Variants in ANKRD62 observed in about 807,000 individuals in gnomAD.
ANKRD62 encodes ankyrin repeat domain 62, also known as ankyrin repeat domain-containing protein 62.
Under a neutral mutation model 98.8 loss-of-function variants are expected in ANKRD62, and 61 were observed. The observed-to-expected ratio is 0.62, with a 90% confidence interval of 0.50 to 0.76. The LOEUF (loss-of-function observed/expected upper bound fraction) is 0.76, where lower values mean the gene tolerates loss of function less well. ANKRD62 is among the 30% of genes least tolerant of loss of function. The probability of loss-of-function intolerance (pLI) is 0.00; values close to 1 mark genes in which losing one functional copy is unlikely to be tolerated. For synonymous variants in ANKRD62, 341 were observed against 367.9 expected (o/e 0.93, Z 0.84); for missense variants, 933 against 1,082.9 (o/e 0.86, Z 1.94).
the ANKRD62 span, among the ~76,000 whole-genome samples, chr18:12,139,744 G>A: frequency 3.9e-5 from 6 of 151,996 alleles, no homozygotes; most frequent in Admixed American, 2.6e-4. Flanking sequence ...TTCCCTTTGT[G>A]GGTAACCCGA....
intron 10 of ANKRD62, among the ~76,000 whole-genome samples, chr18:12,120,688 G>A (rs901184228): frequency 2.0e-5 from 3 of 151,996 alleles, no homozygotes; most frequent in Non-Finnish European, 2.9e-5. Flanking sequence ...TGTTAGTCTC[G>A]CTATTATTTG....
intron 11 of ANKRD62, among the ~76,000 whole-genome samples, chr18:12,123,211 C>T (rs1268009820): frequency 1.3e-5 from 2 of 151,242 alleles, no homozygotes; most frequent in Non-Finnish European, 2.9e-5. Context: ...CCATGCCTTT[C>T]TAATTTCTTT....
intron 10 of ANKRD62, among the ~76,000 whole-genome samples, chr18:12,117,341 T>C (rs1021340361): frequency 5.3e-5 from 8 of 152,194 alleles, no homozygotes; most frequent in Admixed American, 1.3e-4. Context: ...GCTGTGCTCA[T>C]TGACGAAGAC....
At position 12,125,708 on chromosome 18, in the gene ANKRD62, G is replaced by A; in HGVS notation, c.1887G>A (p.Met629Ile). 6.5e-7 allele frequency: 1 copy of A among 1,540,960 alleles called. No homozygotes were observed. The highest frequency in any genetic ancestry group is 8.7e-7 in the Non-Finnish European group (1 of 1,146,888). Residue 629 changes from methionine to isoleucine, a missense_variant, in exon 13 of 14, where the codon ATG (methionine) becomes ATA (isoleucine). Around this residue, in one of 3 missense-constraint regions of ANKRD62, gnomAD observed 362 missense variants for 434.5 expected, o/e 0.83. Transcript: ENST00000587848. ...ATAGTAAAGAGCTTAATGTTCTGAT[G>A]GATGAGAATACAATGCTCAATTCTG... ...TRYSKELNVL[M>I]DENTMLNSEL...
chr18:12,160,041 C>T, the ANKRD62 span, among the ~76,000 whole-genome samples: 1 of 148,794 alleles, frequency 6.7e-6, no homozygotes, highest in South Asian at 2.1e-4. Flanking sequence ...TTCAAATATT[C>T]TGTTTTCTTA....
chr18:12,107,169 G>T (rs1598732528), intron 7 of ANKRD62, 126 bp from the exon 8 acceptor site: 2 of 350,886 alleles, frequency 5.7e-6, no homozygotes, highest in East Asian at 9.5e-5. Context: ...GTAAGCACAA[G>T]GTATTTTATC....
chr18:12,125,496 C>A lies in ANKRD62; in HGVS notation c.1675C>A (p.Gln559Lys), dbSNP rs1197704350. Residue 559 changes from glutamine to lysine, a missense_variant, in exon 13 of 14, where the codon CAG becomes AAG. Transcript: ENST00000587848. ...HTHERERDLW[Q>K]ENHLMRDEIA... is the part of the protein sequence containing the mutation. The stretch of plus-strand genomic sequence containing the variant: ...TCATGAAAGAGAAAGAGACCTGTGG[C>A]AGGAAAATCACTTGATGCGGGATGA... 4 of 1,482,058 alleles carry A rather than the reference C, an allele frequency of 2.7e-6. No individual in the cohort carries two copies. Among genetic ancestry groups the A allele is most frequent in the Non-Finnish European group, 2.7e-6 (3 of 1,127,286 alleles). The allele number at this position is 1,482,058 out of a possible 1,614,324, so 91.8% of individuals were successfully genotyped here. A position where few individuals can be genotyped will look rare whatever the true frequency, so the allele number is the denominator to read the frequency against.
At chr18:12,141,444 T>C in the ANKRD62 span, among the ~76,000 whole-genome samples, 1 of 152,214 alleles carries the variant, frequency 6.6e-6, no homozygotes, top group Non-Finnish European at 1.5e-5. Flanking sequence ...CACTGGGAGC[T>C]GTAGACTTTG....
chr18:12,165,899 A>G, the ANKRD62 span, among the ~76,000 whole-genome samples: 2 of 152,214 alleles, frequency 1.3e-5, no homozygotes, highest in Admixed American at 6.5e-5. Flanking sequence ...TTTGCCAGAT[A>G]TACTATTCTA....
chr18:12,158,969 G>A, the ANKRD62 span, among the ~76,000 whole-genome samples: 3 of 152,020 alleles, frequency 2.0e-5, no homozygotes, highest in African/African-American at 7.3e-5. Context: ...TAAAATATGG[G>A]GCCTAGTTCA....
At chr18:12,171,994 T>A in the ANKRD62 span, among the ~76,000 whole-genome samples, 24 of 152,346 alleles carry the variant, frequency 1.6e-4, no homozygotes, top group South Asian at 8.3e-4. Flanking sequence ...TCAGGTCATT[T>A]ACGGTCTTCT....
rs1253627343 is a variant in ANKRD62, at chr18:12,128,942, T to C, written c.*1003T>C. On this transcript the variant is annotated 3_prime_UTR_variant, in exon 14 of 14. Transcript: ENST00000587848. ...GCTGGGCATGGTGGTGGTGCACGCCTGTAGTCCCAGCTCCTCGGGACGCTG... is the reference window on the plus strand; with the variant it reads ...GCTGGGCATGGTGGTGGTGCACGCCCGTAGTCCCAGCTCCTCGGGACGCTG... The C allele has an allele frequency of 1.3e-5, 2 of 152,110 alleles. No individual in the cohort carries two copies. Among genetic ancestry groups the C allele is most frequent in the Non-Finnish European group, 2.9e-5 (2 of 68,072 alleles). The allele number at this position is 152,110 out of a possible 1,614,324, so 9.4% of individuals were successfully genotyped here.
Position 12,129,000 on chromosome 18 carries a change from G to C in ANKRD62, c.*1061G>C, listed in dbSNP as rs1909951444. 1 of 152,124 alleles carries C rather than the reference G, an allele frequency of 6.6e-6. No homozygotes were observed. Among genetic ancestry groups the C allele is most frequent in the African/African-American group, 2.4e-5 (1 of 41,404 alleles). 9.4% of individuals were successfully genotyped at this position (152,124 alleles called of 1,614,324 possible). ...AGAATTGCTTGAACCTGGCGGGGTG[G>C]AAGTTGCGGTGAGCCAAGATGGTGC... On this transcript the variant is annotated 3_prime_UTR_variant, in exon 14 of 14. Coordinates refer to ENST00000587848, the MANE Select transcript of ANKRD62 (RefSeq NM_001277333.2).
At chr18:12,138,659 T>C in the ANKRD62 span, among the ~76,000 whole-genome samples, 4 of 152,144 alleles carry the variant, frequency 2.6e-5, no homozygotes, top group Non-Finnish European at 4.4e-5. Context: ...TAAAGTCTCC[T>C]ATTATTAATG....
At chr18:12,123,726 G>T (rs988273034) in intron 11 of ANKRD62, among the ~76,000 whole-genome samples, 2 of 152,130 alleles carry the variant, frequency 1.3e-5, no homozygotes, top group African/African-American at 2.4e-5. Context: ...GATACCTGCC[G>T]TATTTCATGA....
chr18:12,101,413 T>C (rs1909296941), intron 6 of ANKRD62, among the ~76,000 whole-genome samples: 1 of 152,222 alleles, frequency 6.6e-6, no homozygotes, highest in Non-Finnish European at 1.5e-5. Flanking sequence ...AACTTCTCTA[T>C]ATTCAGAAGC....
At position 12,107,465 on chromosome 18, in the gene ANKRD62, T is replaced by C. The variant is rs1453932584; in HGVS notation, c.1062T>C (p.Asp354=). Residue 354 remains aspartate, a splice_region_variant and synonymous_variant, in exon 8 of 14, where the codon GAT becomes GAC. Transcript: ENST00000587848. The part of the protein sequence containing the change: ...QSPGKENGEF[D]RLARKTSNEK... ...CTGGGAAGGAGAATGGCGAGTTTGA[T>C]AGGTAATCCTGTAGCGATAGTTAAC... The C allele has an allele frequency of 1.8e-5, 27 of 1,496,532 alleles. No individual in the cohort carries two copies. The highest frequency in any genetic ancestry group is 1.8e-5 in the Non-Finnish European group (20 of 1,128,646). 92.7% of individuals were successfully genotyped at this position (1,496,532 alleles called of 1,614,324 possible).
the ANKRD62 span, among the ~76,000 whole-genome samples, chr18:12,178,226 G>C: frequency 0.38 from 56,361 of 150,094 alleles, 11,225 homozygotes; most frequent in East Asian, 0.76. Flanking sequence ...GAGGAAGGAA[G>C]AGGGACAGGT....
the ANKRD62 span, among the ~76,000 whole-genome samples, chr18:12,155,057 A>C: frequency 6.6e-6 from 1 of 152,178 alleles, no homozygotes; most frequent in African/African-American, 2.4e-5. Flanking sequence ...ATGTACAAGA[A>C]ACCCCTGTGA....
Sources: gnomAD v4.1 joint callset for allele counts (sites outside exome capture counted in the v4.1 genomes callset) on GRCh38, gnomAD v4.1.1 for gene constraint, gnomAD v4.1.1 regional missense constraint, MANE v1.5 for transcripts, NCBI Gene and HGNC (gene_info 2026-07-23, HGNC 2026-07-21) for gene names.